Variants in TXNRD1 observed in about 807,000 individuals in gnomAD.
TXNRD1 encodes thioredoxin reductase 1, also known as thioredoxin reductase 1, cytoplasmic.
In TXNRD1, 57 loss-of-function variants were observed where a neutral mutation model predicts 80.3. The ratio of observed to expected loss-of-function variants is 0.71; its 90% CI spans 0.57 to 0.89. TXNRD1 has a LOEUF of 0.89. Ranked by LOEUF, TXNRD1 falls within the 40% of genes least tolerant of loss-of-function variation. The probability of loss-of-function intolerance (pLI) is 0.00; values close to 1 mark genes in which losing one functional copy is unlikely to be tolerated. For synonymous variants in TXNRD1, 291 were observed against 285.2 expected, an observed-to-expected ratio of 1.02 and a Z score of -0.20; for missense variants, 730 against 803.0, an observed-to-expected ratio of 0.91 and a Z score of 1.10.
chr12:104,240,213 T>A (rs1417911319), intron 1 of TXNRD1, among the ~76,000 whole-genome samples: 1 of 152,230 alleles, frequency 6.6e-6, no homozygotes, highest in African/African-American at 2.4e-5. Flanking sequence ...TTTGTAGGTG[T>A]GTGTGAGAAA....
At chr12:104,261,354 A>C (rs1292869840) in intron 3 of TXNRD1, among the ~76,000 whole-genome samples, 1 of 151,888 alleles carries the variant, frequency 6.6e-6, no homozygotes, top group African/African-American at 2.4e-5. Flanking sequence ...GTAGAGACAG[A>C]GTTTCTCCAT....
At chr12:104,256,563 G>A (rs1310091887) in intron 2 of TXNRD1, among the ~76,000 whole-genome samples, 1 of 151,922 alleles carries the variant, frequency 6.6e-6, no homozygotes, top group African/African-American at 2.4e-5. Flanking sequence ...GGCAGATCAC[G>A]AGGTCAGGAG....
chr12:104,338,906 CG>C (rs779836530), intron 15 of TXNRD1, among the ~76,000 whole-genome samples: 43 of 151,900 alleles, frequency 2.8e-4, no homozygotes, highest in Non-Finnish European at 3.5e-4. Context: ...TTAGTAGAGA[CG>C]GGGTTTCACC....
At chr12:104,345,553 A>G (rs901685709) in intron 16 of TXNRD1, among the ~76,000 whole-genome samples, 2 of 152,162 alleles carry the variant, frequency 1.3e-5, no homozygotes, top group Non-Finnish European at 2.9e-5. Flanking sequence ...TTAGCAATGC[A>G]TTTGCCGTAT....
chr12:104,267,580 C>T (rs1204067120), intron 3 of TXNRD1, among the ~76,000 whole-genome samples: 10 of 151,590 alleles, frequency 6.6e-5, no homozygotes. Flanking sequence ...CCATGACCTG[C>T]CCCACCTGTC....
At position 104,350,124 on chromosome 12, in the gene TXNRD1, A is replaced by G. The variant is rs896841485; in HGVS notation, c.*1703A>G. 1.3e-5 allele frequency: 2 copies of G among 152,170 alleles called. No individual in the cohort carries two copies. Among genetic ancestry groups the G allele is most frequent in the Admixed American group, 1.3e-4 (2 of 15,276 alleles). 9.4% of individuals were successfully genotyped at this position (152,170 alleles called of 1,614,324 possible). Reference sequence around the variant, plus strand: ...TTTTCTTAGTGGAGTGGAATGTTCTATCCCCACAAGAAGGATTATATCTTA... The same window carrying G: ...TTTTCTTAGTGGAGTGGAATGTTCTGTCCCCACAAGAAGGATTATATCTTA... On this transcript the variant is annotated 3_prime_UTR_variant, in exon 17 of 17. Coordinates refer to ENST00000525566, the MANE Select transcript of TXNRD1 (RefSeq NM_001093771.3).
intron 10 of TXNRD1, among the ~76,000 whole-genome samples, chr12:104,324,084 A>G (rs1470415933): frequency 2.6e-5 from 4 of 152,184 alleles, no homozygotes; most frequent in Non-Finnish European, 5.9e-5. Flanking sequence ...TCTAGATACC[A>G]AAAAGGCCTG....
chr12:104,337,309 T>C (rs1029098069), intron 15 of TXNRD1, among the ~76,000 whole-genome samples: 1 of 152,012 alleles, frequency 6.6e-6, no homozygotes, highest in Non-Finnish European at 1.5e-5. Flanking sequence ...ACCTCCTGAT[T>C]GTTTCCAGGG....
chr12:104,267,721 C>CCTT (rs2033559092), intron 3 of TXNRD1, among the ~76,000 whole-genome samples: 1 of 84,700 alleles, frequency 1.2e-5, no homozygotes, highest in Non-Finnish European at 2.9e-5. Flanking sequence ...TTCTTTCTTT[C>CCTT]TCTTTCTTTC....
intron 3 of TXNRD1, among the ~76,000 whole-genome samples, chr12:104,286,429 C>T (rs1394826100): frequency 6.6e-6 from 1 of 152,134 alleles, no homozygotes; most frequent in East Asian, 1.9e-4. Context: ...AGGTGTGTTC[C>T]TAAGAATTTG....
chr12:104,336,003 GTCTTTT>G (rs1389466156), intron 15 of TXNRD1, among the ~76,000 whole-genome samples: 45 of 152,232 alleles, frequency 3.0e-4, no homozygotes, highest in African/African-American at 9.9e-4. Context: ...ATATATAGTT[GTCTTTT>G]TCTTTTTAGG....
intron 3 of TXNRD1, chr12:104,265,778 G>T (rs2033471550): frequency 6.3e-7 from 1 of 1,578,526 alleles, no homozygotes; most frequent in Non-Finnish European, 8.6e-7. Context: ...CTGCCCCACC[G>T]GGTCCTGCGC....
chr12:104,265,444 T>C (rs1565868839), intron 3 of TXNRD1: 20 of 1,604,440 alleles, frequency 1.2e-5, no homozygotes, highest in Non-Finnish European at 1.6e-5. Context: ...CCGCTTCTGG[T>C]ACTTTGTATC....
chr12:104,303,031 G>A (rs539843100), intron 4 of TXNRD1, among the ~76,000 whole-genome samples: 1 of 152,150 alleles, frequency 6.6e-6, no homozygotes, highest in Non-Finnish European at 1.5e-5. Context: ...GTGGCCTTTA[G>A]CTGTTGGCAA....
intron 16 of TXNRD1, among the ~76,000 whole-genome samples, chr12:104,347,646 A>G (rs903011575): frequency 2.0e-5 from 3 of 152,240 alleles, no homozygotes; most frequent in African/African-American, 2.4e-5. Flanking sequence ...TGCAAAGAGC[A>G]TATTGGCAAC....
intron 16 of TXNRD1, among the ~76,000 whole-genome samples, chr12:104,343,628 A>T (rs1221954847): frequency 6.6e-6 from 1 of 151,218 alleles, no homozygotes; most frequent in South Asian, 2.1e-4. Flanking sequence ...GCAAAACCCA[A>T]TCTCTACCAA....
At chr12:104,312,076 T>A (rs1352088851) in intron 5 of TXNRD1, among the ~76,000 whole-genome samples, 1 of 151,980 alleles carries the variant, frequency 6.6e-6, no homozygotes, top group Non-Finnish European at 1.5e-5. Flanking sequence ...GCAAATATAT[T>A]TCTTAGTTAA....
chr12:104,268,772 C>T (rs11111964), intron 3 of TXNRD1, among the ~76,000 whole-genome samples: 3,846 of 151,956 alleles, frequency 0.025, 60 homozygotes, highest in South Asian at 0.06. Flanking sequence ...CCGCCTTGGC[C>T]TCTCAAAGTG....
intron 4 of TXNRD1, 54 bp downstream of exon 4, chr12:104,289,094 C>T (rs2034083811): frequency 1.9e-6 from 3 of 1,573,494 alleles, no homozygotes; most frequent in Non-Finnish European, 2.6e-6. Context: ...TTGAGCTCAG[C>T]GTGGTCACAG....
Sources: gnomAD v4.1 joint callset for allele counts (sites outside exome capture counted in the v4.1 genomes callset) on GRCh38, gnomAD v4.1.1 for gene constraint, MANE v1.5 for transcripts, NCBI Gene and HGNC (gene_info 2026-07-23, HGNC 2026-07-21) for gene names.